FAM149A: variants seen among roughly 807,000 people sequenced by gnomAD.
FAM149A encodes protein FAM149A.
In FAM149A, 71 loss-of-function variants were observed where a neutral mutation model predicts 78.2. The ratio of observed to expected loss-of-function variants is 0.91; its 90% CI spans 0.75 to 1.11. The LOEUF is 1.11. FAM149A is among the 50% of genes least tolerant of loss of function. The pLI, the probability that FAM149A is intolerant of heterozygous loss-of-function variation, is 0.00. For missense variants in FAM149A, 1,036 were observed against 971.0 expected (o/e 1.07, Z -0.89); for synonymous variants, 446 against 410.5 (o/e 1.09, Z -1.04).
At chr4:186,140,039 T>G (rs2099325143) in intron 1 of FAM149A, among the ~76,000 whole-genome samples, 1 of 152,242 alleles carries the variant, frequency 6.6e-6, no homozygotes, top group South Asian at 2.1e-4. Flanking sequence ...CAATTTATTA[T>G]GTATCTATAT....
intron 1 of FAM149A, chr4:186,117,512 A>C: frequency 4.1e-6 from 4 of 985,430 alleles, no homozygotes; most frequent in Non-Finnish European, 4.8e-6. Flanking sequence ...CTGAGTTCTA[A>C]AGAATGTCCA....
Position 186,137,000 on chromosome 4 carries a change from CTCTCTCTCTCTCTCTCTCTAA to C in FAM149A, c.567-12172_567-12152del, listed in dbSNP as rs1404515289. Among the ~76,000 whole-genome samples the C allele has an allele frequency of 3.4e-4, 47 of 136,936 alleles. No individual in the cohort carries two copies. The East Asian group carries it at 6.5e-3, about 19-fold the overall frequency. 89.8% of individuals were successfully genotyped at this position (136,936 alleles called of 152,430 possible). ...TTTCTCTCTCTCTCTCTCTCTCTCT[CTCTCTCTCTCTCTCTCTCTAA>C]GTGCTTAAAGCAGGGCCTGGTGTGT... is the stretch of plus-strand genomic sequence containing the variant. On this transcript the variant is annotated intron_variant, in intron 1 of 13. Coordinates refer to ENST00000389354, the MANE Select transcript of FAM149A (RefSeq NM_001367768.3).
At chr4:186,135,864 C>A (rs1040437221) in intron 1 of FAM149A, among the ~76,000 whole-genome samples, 16 of 152,178 alleles carry the variant, frequency 1.1e-4, no homozygotes, top group Non-Finnish European at 2.2e-4. Context: ...AAGGCAGGGT[C>A]GCCTTGTGTG....
In FAM149A at chr4:186,105,403, G is replaced by GC; in HGVS notation, c.333dup (p.Thr112HisfsTer62). ...CTAGAGCGGGTAAAGCCCCGCCCCA[G>GC]CCCCCCACTCCCTCCGGCGGGGGCT... On this transcript the variant is annotated frameshift_variant, in exon 1 of 14. Transcript: ENST00000389354. LOFTEE classifies it high-confidence loss of function. 1 of 1,183,412 alleles carries GC rather than the reference G, an allele frequency of 8.5e-7. No homozygotes were observed. The highest frequency in any genetic ancestry group is 1.5e-5 in the South Asian group (1 of 65,422). 73.3% of individuals were successfully genotyped at this position (1,183,412 alleles called of 1,614,324 possible).
At chr4:186,127,572 G>A (rs1579810532) in intron 1 of FAM149A, 4 of 985,456 alleles carry the variant, frequency 4.1e-6, no homozygotes, top group Non-Finnish European at 4.8e-6. Context: ...GTCCATGCGA[G>A]AAGCAGTTTC....
In FAM149A at chr4:186,152,734, C is replaced by T. The variant is rs939950258; in HGVS notation, c.932+689C>T. On this transcript the variant is annotated intron_variant, in intron 4 of 13. Transcript: ENST00000389354. The stretch of plus-strand genomic sequence containing the variant: ...TAATTTTTTTTATTTTTAGTAGAGA[C>T]GGGGTTTCACCGTGTTAGCCAGGAT... 1.8e-4 allele frequency among the ~76,000 whole-genome samples: 28 copies of T among 151,580 alleles called. No homozygotes were observed. The South Asian group carries it at 5.0e-3, about 27-fold the overall frequency.
chr4:186,166,369 A>G (rs752685982), intron 11 of FAM149A, among the ~76,000 whole-genome samples: 1 of 152,180 alleles, frequency 6.6e-6, no homozygotes, highest in Non-Finnish European at 1.5e-5. Flanking sequence ...TACAAAAGGC[A>G]GCGGAGTGCA....
chr4:186,107,609 G>A (rs912608099), intron 1 of FAM149A: 1 of 152,176 alleles, frequency 6.6e-6, no homozygotes, highest in African/African-American at 2.4e-5. Context: ...ATGTTTCTGT[G>A]GAGACGGGGT....
At chr4:186,155,913 C>T in intron 6 of FAM149A, 87 bp from the exon 7 acceptor site, 1 of 995,230 alleles carries the variant, frequency 1.0e-6, no homozygotes, top group Non-Finnish European at 1.5e-6. Flanking sequence ...TATATGTATA[C>T]ATGTACATAC....
intron 3 of FAM149A, among the ~76,000 whole-genome samples, chr4:186,150,357 G>GTTT (rs144215601): frequency 1.3e-4 from 17 of 129,352 alleles, no homozygotes; most frequent in Non-Finnish European, 2.5e-4. Flanking sequence ...TATGCTGGGT[G>GTTT]TTTTGTTGTT....
At position 186,104,773 on chromosome 4, in the gene FAM149A, G is replaced by GGCGGCGGGCGGCGGGCGGC. The variant is rs548894495; in HGVS notation, c.-303_-302insCGGCGGGCGGCGGGCGGCG. Among the ~76,000 whole-genome samples the GGCGGCGGGCGGCGGGCGGC allele has an allele frequency of 1.4e-4, 21 of 149,702 alleles. No homozygotes were observed. Among genetic ancestry groups the GGCGGCGGGCGGCGGGCGGC allele is most frequent in the African/African-American group, 5.2e-4 (21 of 40,264 alleles). ...GGCGGGCGGCGGGCGGCGGGCGTCTGGGGCGGGCGGCGGCCGCGCTTCCCG... is the reference window on the plus strand; with the variant it reads ...GGCGGGCGGCGGGCGGCGGGCGTCTGGCGGCGGGCGGCGGGCGGCGGGCGGGCGGCGGCCGCGCTTCCCG... On this transcript the variant is annotated 5_prime_UTR_variant, in exon 1 of 14. Coordinates refer to ENST00000389354, the MANE Select transcript of FAM149A (RefSeq NM_001367768.3).
chr4:186,111,176 G>A (rs1326874300), intron 1 of FAM149A, among the ~76,000 whole-genome samples: 20 of 148,566 alleles, frequency 1.3e-4, no homozygotes, highest in African/African-American at 5.0e-4. Flanking sequence ...TGTGTTTTTT[G>A]GCTGCATAAA....
chr4:186,125,590 A>C (rs1715061), intron 1 of FAM149A: 208,009 of 562,930 alleles, frequency 0.37, 39,473 homozygotes, highest in Admixed American at 0.4. Context: ...TTTGCACACG[A>C]GGTAAAGGGA....
chr4:186,133,000 G>A, intron 1 of FAM149A: 2 of 985,362 alleles, frequency 2.0e-6, no homozygotes, highest in Non-Finnish European at 2.4e-6. Context: ...TCTGAGACGA[G>A]CTCTGCCTAT....
intron 1 of FAM149A, chr4:186,127,770 C>T (rs940426864): frequency 2.9e-6 from 2 of 696,306 alleles, no homozygotes; most frequent in African/African-American, 3.9e-5. Context: ...CCTGCAACCT[C>T]TGCCTTCCAA....
rs1032649752 is a variant in FAM149A at position 186,174,455 on chromosome 4, C to T, written c.*2468C>T. Among the ~76,000 whole-genome samples the T allele has an allele frequency of 5.4e-5, 6 of 111,494 alleles. 1 individual carries two copies. Among genetic ancestry groups the T allele is most frequent in the East Asian group, 4.5e-4 (2 of 4,492 alleles). The allele number at this position is 111,494 out of a possible 152,430, so 73.1% of individuals were successfully genotyped here. A position where few individuals can be genotyped will look rare whatever the true frequency, so the allele number is the denominator to read the frequency against. ...TCAAGCTTCGTAGTAGGGAAAACAC[C>T]GGATATTCAGTCTAAACTAACATTA... On this transcript the variant is annotated 3_prime_UTR_variant, in exon 14 of 14. Transcript: ENST00000389354.
At chr4:186,129,139 GTGTCTGTGTGTGTC>G (rs1340741457) in intron 1 of FAM149A, among the ~76,000 whole-genome samples, 2 of 108,562 alleles carry the variant, frequency 1.8e-5, no homozygotes, top group Non-Finnish European at 4.2e-5. Context: ...GTGCCTCTGT[GTGTCTGTGTGTGTC>G]TGTGCATGTG....
intron 11 of FAM149A, 25 bp from the exon 12 acceptor site, chr4:186,166,943 C>A: frequency 6.3e-7 from 1 of 1,595,686 alleles, no homozygotes. Flanking sequence ...TTATTTTAAA[C>A]AAGAACATAC....
At chr4:186,133,815 C>A (rs917506077) in intron 1 of FAM149A, among the ~76,000 whole-genome samples, 4 of 152,280 alleles carry the variant, frequency 2.6e-5, no homozygotes, top group African/African-American at 7.2e-5. Flanking sequence ...TGCCACCACA[C>A]CTACCTACTT....
Sources: gnomAD v4.1 joint callset for allele counts (sites outside exome capture counted in the v4.1 genomes callset) on GRCh38, gnomAD v4.1.1 for gene constraint, MANE v1.5 for transcripts, NCBI Gene and HGNC (gene_info 2026-07-23, HGNC 2026-07-21) for gene names.